UROS: variants seen among roughly 807,000 people sequenced by gnomAD.
The protein encoded by UROS is uroporphyrinogen III synthase.
UROS carries 18 observed loss-of-function variants against 33.0 expected under a neutral mutation model. The observed-to-expected ratio is 0.55, with a 90% CI of 0.38 to 0.81. UROS has a LOEUF of 0.81. Among genes scored for constraint, UROS ranks in the 30% least tolerant of loss-of-function variants. The pLI, the probability that UROS is intolerant of heterozygous loss-of-function variation, is 0.00. For synonymous variants in UROS, 114 were observed against 121.1 expected, an observed-to-expected ratio of 0.94 and a Z score of 0.38; for missense variants, 293 against 314.9, an observed-to-expected ratio of 0.93 and a Z score of 0.53.
chr10:125,806,393 T>C (rs1271252314), intron 6 of UROS, among the ~76,000 whole-genome samples: 2 of 152,152 alleles, frequency 1.3e-5, no homozygotes, highest in African/African-American at 4.8e-5. Flanking sequence ...GGGACCACCT[T>C]AGAGGAAACT....
intron 5 of UROS, among the ~76,000 whole-genome samples, chr10:125,811,953 AG>A (rs139557841): frequency 0.021 from 3,138 of 152,304 alleles, 119 homozygotes; most frequent in African/African-American, 0.071. Flanking sequence ...AGTCAGCCAA[AG>A]GGTACAAACA....
downstream of UROS, among the ~76,000 whole-genome samples, chr10:125,787,311 C>T (rs1850660380): frequency 1.3e-5 from 2 of 152,028 alleles, no homozygotes; most frequent in African/African-American, 4.8e-5. Context: ...CCGAAGCCCA[C>T]ACATCCCTCC....
In UROS at chr10:125,816,507, TG is replaced by T; in HGVS notation, c.-9del. ...CAGTAAAAGAACCTTCATTATTGCC[TG>T]GCAGTCCTTATAGGGCACTGCGACA... is the stretch of plus-strand genomic sequence containing the variant. On this transcript the variant is annotated 5_prime_UTR_variant, in exon 2 of 10. Transcript: ENST00000368797. 6.2e-7 allele frequency: 1 copy of T among 1,614,200 alleles called. No individual in the cohort carries two copies.
intron 1 of UROS, chr10:125,819,715 G>C (rs1009221878): frequency 7.2e-5 from 11 of 153,304 alleles, no homozygotes; most frequent in Admixed American, 2.6e-4. Context: ...GGTGAGGCTA[G>C]GGCCTAAAAA....
chr10:125,808,876 T>C (rs1852563205), intron 5 of UROS, among the ~76,000 whole-genome samples: 1 of 152,246 alleles, frequency 6.6e-6, no homozygotes, highest in Non-Finnish European at 1.5e-5. Context: ...TCTCAGTCCC[T>C]GCATGTGGCA....
At chr10:125,789,074 G>A (rs1282771747) in intron 9 of UROS, 69 bp from the exon 10 acceptor site, 3 of 1,582,774 alleles carry the variant, frequency 1.9e-6, no homozygotes, top group Non-Finnish European at 2.6e-6. Context: ...GCAGCTGGAT[G>A]TGTGCAGGGG....
At chr10:125,802,973 G>A (rs1851967163) in intron 6 of UROS, 2 of 1,612,736 alleles carry the variant, frequency 1.2e-6, no homozygotes, top group African/African-American at 1.3e-5. Flanking sequence ...CAGCATAAGG[G>A]CACGTCCAAA....
chr10:125,800,862 G>A (rs994825201), intron 6 of UROS, among the ~76,000 whole-genome samples: 6 of 152,090 alleles, frequency 3.9e-5, no homozygotes, highest in African/African-American at 1.2e-4. Flanking sequence ...GAGCCACTGC[G>A]CCCAGCTGAG....
At chr10:125,796,962 T>C (rs1023603157) in intron 7 of UROS, 2 of 584,182 alleles carry the variant, frequency 3.4e-6, no homozygotes, top group African/African-American at 4.1e-5. Flanking sequence ...AGAAATAAAC[T>C]GAAGTATCAA....
intron 1 of UROS, among the ~76,000 whole-genome samples, chr10:125,821,620 T>A (rs924177237): frequency 2.6e-5 from 4 of 152,196 alleles, no homozygotes; most frequent in African/African-American, 9.7e-5. Flanking sequence ...GTAAAATGTA[T>A]GTTATGTATC....
Position 125,788,746 on chromosome 10 carries a change from C to T in UROS, c.*122G>A, listed in dbSNP as rs1850710262. 1.4e-6 allele frequency: 2 copies of T among 1,453,136 alleles called. No homozygotes were observed. Among genetic ancestry groups the T allele is most frequent in the Non-Finnish European group, 1.8e-6 (2 of 1,105,718 alleles). 90.0% of individuals were successfully genotyped at this position (1,453,136 alleles called of 1,614,324 possible). The stretch of plus-strand genomic sequence containing the variant: ...CCGATCCCCGGTCCTCAGGTGCTTC[C>T]ACTCAGGCTTGAGGCAGGAGTCTGA... On this transcript the variant is annotated 3_prime_UTR_variant, in exon 10 of 10. Transcript: ENST00000368797.
chr10:125,802,613 A>G (rs1851938154), intron 6 of UROS: 26 of 1,054,802 alleles, frequency 2.5e-5, no homozygotes, highest in Non-Finnish European at 3.0e-5. Context: ...CTTTACTAGC[A>G]GCAAATGGTG....
chr10:125,808,041 C>T (rs1352736060), intron 5 of UROS, among the ~76,000 whole-genome samples: 6 of 152,188 alleles, frequency 3.9e-5, no homozygotes, highest in Non-Finnish European at 1.5e-5. Context: ...GGACCCACAG[C>T]GCTACAAATA....
rs541777502 is a variant in UROS at position 125,816,762 on chromosome 10, T to C, written c.-26-237A>G. On this transcript the variant is annotated intron_variant, in intron 1 of 9. Transcript: ENST00000368797. ...CACTTGGAAAGACAGATGAAACCAT[T>C]AGTGAAAGCCAAGTGTCCTATGCCA... 1.5e-4 allele frequency: 87 copies of C among 567,290 alleles called. 1 individual carries two copies. The South Asian group carries it at 1.7e-3, about 11-fold the overall frequency. The allele number at this position is 567,290 out of a possible 1,614,324, so 35.1% of individuals were successfully genotyped here.
chr10:125,818,607 C>T (rs747798910), intron 1 of UROS, among the ~76,000 whole-genome samples: 5 of 152,080 alleles, frequency 3.3e-5, no homozygotes, highest in African/African-American at 4.8e-5. Flanking sequence ...AATTGAGAAG[C>T]GTGCACAGAT....
intron 6 of UROS, chr10:125,802,933 TA>T: frequency 6.2e-7 from 1 of 1,612,088 alleles, no homozygotes; most frequent in South Asian, 1.1e-5. Context: ...AGGATGCGGC[TA>T]AACCCCAGAT....
At chr10:125,785,204 C>A (rs1850607788), downstream of UROS, 1 of 152,188 alleles carries the variant, frequency 6.6e-6, no homozygotes, top group Admixed American at 6.5e-5. Flanking sequence ...AGAAAACTTT[C>A]TTTCCCCAAT....
chr10:125,803,065 G>GT, intron 6 of UROS: 1 of 1,612,758 alleles, frequency 6.2e-7, no homozygotes, highest in Non-Finnish European at 8.5e-7. Context: ...CTTGGACTAA[G>GT]TATCTTTTAG....
downstream of UROS, chr10:125,785,501 G>T (rs1187576300): frequency 1.3e-5 from 2 of 152,206 alleles, no homozygotes; most frequent in Non-Finnish European, 2.9e-5. Flanking sequence ...TTAGTAAAAT[G>T]ATTCTTGGTA....
Sources: gnomAD v4.1 joint callset for allele counts (sites outside exome capture counted in the v4.1 genomes callset) on GRCh38, gnomAD v4.1.1 for gene constraint, MANE v1.5 for transcripts, NCBI Gene and HGNC (gene_info 2026-07-23, HGNC 2026-07-21) for gene names.